The following VRK2 variants were observed in gnomAD, a reference collection of about 807,000 sequenced individuals.
VRK2 encodes serine/threonine-protein kinase VRK2.
A neutral mutation model predicts 57.6 loss-of-function variants in VRK2; 60 were observed. The observed-to-expected ratio is 1.04, with a 90% confidence interval of 0.85 to 1.29. The LOEUF is 1.29. Ranked by LOEUF, VRK2 falls within the 50% of genes most tolerant of loss-of-function variation. VRK2 has a pLI of 0.00. For missense variants in VRK2, 705 were observed against 588.1 expected (o/e 1.20, Z -2.06); for synonymous variants, 231 against 199.2 (o/e 1.16, Z -1.35).
At chr2:58,069,532 G>C (rs1457169071) in intron 2 of VRK2, among the ~76,000 whole-genome samples, 1 of 152,090 alleles carries the variant, frequency 6.6e-6, no homozygotes, top group African/African-American at 2.4e-5. Context: ...CCATGCACCT[G>C]TGTCTGCGGA....
At chr2:58,029,621 A>C (rs1674051575) in intron 2 of VRK2, among the ~76,000 whole-genome samples, 2 of 152,134 alleles carry the variant, frequency 1.3e-5, no homozygotes, top group African/African-American at 2.4e-5. Flanking sequence ...TGACCAGATT[A>C]AATTATTCCA....
rs578075972 is a variant in VRK2, at chr2:58,156,054, T to C, written c.1183-3295T>C. 2.4e-3 allele frequency among the ~76,000 whole-genome samples: 363 copies of C among 152,058 alleles called. 3 individuals carry two copies. The highest frequency in any genetic ancestry group is 3.5e-4 in the Non-Finnish European group (24 of 67,974). ...TCAAGGGAGGGTCATTTTTAGAATTTTCAGTGTTTTGATAGGTGCTTTTTG... is the reference window on the plus strand; with the variant it reads ...TCAAGGGAGGGTCATTTTTAGAATTCTCAGTGTTTTGATAGGTGCTTTTTG... On this transcript the variant is annotated intron_variant, in intron 12 of 12. Coordinates refer to ENST00000340157, the MANE Select transcript of VRK2 (RefSeq NM_006296.7).
intron 1 of VRK2, among the ~76,000 whole-genome samples, chr2:57,995,910 A>G (rs1055287970): frequency 1.3e-5 from 2 of 152,214 alleles, no homozygotes; most frequent in African/African-American, 2.4e-5. Context: ...GAAATAAGCA[A>G]AGTGCACTCA....
At chr2:57,921,323 C>T (rs1179277983) in intron 1 of VRK2, among the ~76,000 whole-genome samples, 3 of 151,816 alleles carry the variant, frequency 2.0e-5, no homozygotes, top group Admixed American at 2.0e-4. Flanking sequence ...CACACACACA[C>T]ACATTTTTAA....
At position 57,980,505 on chromosome 2, in the gene VRK2, T is replaced by C. The variant is rs1446042238; in HGVS notation, c.-438-45160T>C. ...CTGTGTGCAGATGAAAAAATATATA[T>C]AAATTCTCTTGTTGGGTGGAGTATT... On this transcript the variant is annotated intron_variant, in intron 1 of 15. Transcript: ENST00000417641. Among the ~76,000 whole-genome samples, 6 of 152,286 alleles carry C rather than the reference T, an allele frequency of 3.9e-5. No homozygotes were observed. The East Asian group carries it at 5.8e-4, about 15-fold the overall frequency.
intron 1 of VRK2, among the ~76,000 whole-genome samples, chr2:57,963,579 A>G (rs1244293449): frequency 6.6e-6 from 1 of 152,222 alleles, no homozygotes; most frequent in Non-Finnish European, 1.5e-5. Context: ...GTGGATTATG[A>G]AAGAATAAAA....
At chr2:58,090,476 T>A (rs543342318) in intron 7 of VRK2, among the ~76,000 whole-genome samples, 310 of 152,246 alleles carry the variant, frequency 2.0e-3, no homozygotes, top group Non-Finnish European at 4.1e-3. Context: ...ATATTCTGTT[T>A]GACTGTCCAA....
chr2:57,971,904 A>T (rs778020506), intron 1 of VRK2, among the ~76,000 whole-genome samples: 2 of 151,872 alleles, frequency 1.3e-5, no homozygotes, highest in African/African-American at 4.8e-5. Flanking sequence ...AAAAATTATT[A>T]TTATGTATTC....
intron 7 of VRK2, among the ~76,000 whole-genome samples, chr2:58,091,474 A>C (rs1045572816): frequency 1.3e-5 from 2 of 152,050 alleles, no homozygotes; most frequent in Admixed American, 1.3e-4. Context: ...TTTTTAATTT[A>C]ACTTAATTTA....
At chr2:57,936,879 C>T (rs1210680696) in intron 1 of VRK2, among the ~76,000 whole-genome samples, 2 of 152,188 alleles carry the variant, frequency 1.3e-5, no homozygotes, top group African/African-American at 2.4e-5. Flanking sequence ...AAAACTCTAA[C>T]ACTTCTGGAT....
chr2:58,007,735 A>G (rs1673292542), intron 1 of VRK2, among the ~76,000 whole-genome samples: 1 of 152,128 alleles, frequency 6.6e-6, no homozygotes, highest in African/African-American at 2.4e-5. Context: ...TGTGCAGGGA[A>G]TCACTGTCCC....
intron 1 of VRK2, among the ~76,000 whole-genome samples, chr2:57,929,208 A>T (rs1670639356): frequency 6.6e-6 from 1 of 152,196 alleles, no homozygotes; most frequent in African/African-American, 2.4e-5. Context: ...CTTGGAGTCA[A>T]AAATCTCAGG....
chr2:58,004,353 T>G (rs150570212), intron 1 of VRK2, among the ~76,000 whole-genome samples: 9 of 152,298 alleles, frequency 5.9e-5, no homozygotes, highest in Non-Finnish European at 1.0e-4. Context: ...AATGTATTAC[T>G]GAGTGGTTCA....
chr2:58,072,310 G>C (rs1330729289), intron 2 of VRK2, among the ~76,000 whole-genome samples: 3 of 151,848 alleles, frequency 2.0e-5, no homozygotes, highest in Non-Finnish European at 4.4e-5. Flanking sequence ...GTATGATATT[G>C]AATAGAAGTG....
chr2:57,911,017 G>A (rs907122649), intron 1 of VRK2, among the ~76,000 whole-genome samples: 1 of 149,920 alleles, frequency 6.7e-6, no homozygotes, highest in African/African-American at 2.5e-5. Flanking sequence ...ACAGACTTGA[G>A]TTCTCTAGGG....
At chr2:58,065,167 G>C (rs751919150) in intron 2 of VRK2, among the ~76,000 whole-genome samples, 12 of 151,850 alleles carry the variant, frequency 7.9e-5, no homozygotes, top group Admixed American at 1.3e-4. Flanking sequence ...AAAATAAAGA[G>C]AAAAAAATCT....
intron 1 of VRK2, among the ~76,000 whole-genome samples, chr2:57,943,720 T>C (rs1198699491): frequency 6.6e-6 from 1 of 152,188 alleles, no homozygotes; most frequent in Non-Finnish European, 1.5e-5. Context: ...TTTTCCTTTT[T>C]CCAACTAGAC....
intron 2 of VRK2, among the ~76,000 whole-genome samples, chr2:58,051,551 G>A (rs1488328657): frequency 1.3e-5 from 2 of 152,218 alleles, no homozygotes; most frequent in Non-Finnish European, 2.9e-5. Flanking sequence ...AGAAGAAGCA[G>A]TAAAATTCAA....
At chr2:57,923,969 T>G (rs1364903214) in intron 1 of VRK2, among the ~76,000 whole-genome samples, 1 of 152,096 alleles carries the variant, frequency 6.6e-6, no homozygotes, top group African/African-American at 2.4e-5. Flanking sequence ...GCAACATTTA[T>G]TGAAGAGACT....
Sources: allele counts gnomAD v4.1 joint callset (sites outside exome capture counted in the v4.1 genomes callset), GRCh38; gene constraint gnomAD v4.1.1; transcripts MANE v1.5; gene names NCBI Gene and HGNC (gene_info 2026-07-23, HGNC 2026-07-21).